Variants in OSBPL5 observed in about 807,000 individuals in gnomAD.
The protein encoded by OSBPL5 is oxysterol binding protein like 5.
In OSBPL5, 71 loss-of-function variants were observed where a neutral mutation model predicts 111.2. The observed-to-expected ratio is 0.64, with a 90% CI of 0.53 to 0.78. The LOEUF is 0.78. Ranked by LOEUF, OSBPL5 falls within the 30% of genes least tolerant of loss-of-function variation. OSBPL5 has a pLI of 0.00. For missense variants in OSBPL5, 1,210 were observed against 1,189.3 expected (o/e 1.02, Z -0.26); for synonymous variants, 549 against 513.9 (o/e 1.07, Z -0.93).
intron 1 of OSBPL5, among the ~76,000 whole-genome samples, chr11:3,133,247 G>A (rs776109069): frequency 3.9e-5 from 6 of 152,256 alleles, no homozygotes; most frequent in Non-Finnish European, 7.3e-5. Flanking sequence ...AGTGAAAGCT[G>A]AAGGCTGGGA....
chr11:3,111,184 C>G (rs1233509782), intron 7 of OSBPL5, among the ~76,000 whole-genome samples: 1 of 146,930 alleles, frequency 6.8e-6, no homozygotes, highest in African/African-American at 2.5e-5. Context: ...TCCCTGATCT[C>G]TCAAAATTTG....
chr11:3,116,723 C>T (rs2084241), intron 7 of OSBPL5, among the ~76,000 whole-genome samples: 36,611 of 151,702 alleles, frequency 0.24, 4,876 homozygotes, highest in African/African-American at 0.35. Context: ...GGTGTGGTGG[C>T]GGATGCCTAT....
intron 1 of OSBPL5, among the ~76,000 whole-genome samples, chr11:3,149,270 G>GC (rs750604567): frequency 1.3e-5 from 2 of 152,242 alleles, no homozygotes; most frequent in Non-Finnish European, 2.9e-5. Flanking sequence ...CCCGGGTCAG[G>GC]CCCCCCAGAG....
chr11:3,159,446 C>T (rs1440681699), intron 1 of OSBPL5, among the ~76,000 whole-genome samples: 2 of 152,202 alleles, frequency 1.3e-5, no homozygotes, highest in African/African-American at 4.8e-5. Context: ...CTGTGCCAGG[C>T]CACTAACTGG....
rs757161371 is a variant in OSBPL5, at chr11:3,107,485, T to C, written c.867-30A>G. The C allele has an allele frequency of 2.5e-6, 4 of 1,611,082 alleles. No individual in the cohort carries two copies. Among genetic ancestry groups the C allele is most frequent in the Non-Finnish European group, 3.4e-6 (4 of 1,177,888 alleles). ...AAGGTGGATGGTGCCAGTGGGTCCC[T>C]GTCACAGGTGAGAGCCCAGCACAGC... On this transcript the variant is annotated intron_variant, in intron 8 of 21. Transcript: ENST00000263650. This position sits in a 1 kb window ranked among gnomAD's most constrained non-coding sequence, Gnocchi z 6.1.
In OSBPL5 at chr11:3,130,265, C is replaced by T. The variant is rs572689893; in HGVS notation, c.-21-1096G>A. On this transcript the variant is annotated intron_variant, in intron 1 of 21. Transcript: ENST00000263650. This position sits in a 1 kb window ranked among gnomAD's most constrained non-coding sequence, Gnocchi z 4.5. Reference sequence around the variant, plus strand: ...TCATCTTGTGTCCACTTCCCAAGGGCGAGCTCCTTAAAAACTACTGGTCAA... The same window carrying T: ...TCATCTTGTGTCCACTTCCCAAGGGTGAGCTCCTTAAAAACTACTGGTCAA... Among the ~76,000 whole-genome samples the T allele has an allele frequency of 6.6e-5, 10 of 152,342 alleles. No homozygotes were observed. The East Asian group carries it at 1.9e-3, about 29-fold the overall frequency.
intron 11 of OSBPL5, 147 bp from the exon 12 acceptor site, chr11:3,102,428 C>T (rs1857492317): frequency 1.4e-6 from 1 of 702,128 alleles, no homozygotes; most frequent in Non-Finnish European, 2.5e-6. Flanking sequence ...GGGAACAACA[C>T]CTCACTTCTG....
At chr11:3,112,008 T>C (rs12788676) in intron 7 of OSBPL5, among the ~76,000 whole-genome samples, 11,941 of 132,998 alleles carry the variant, frequency 0.09, 480 homozygotes, top group South Asian at 0.15. Flanking sequence ...TGTGTGTGTG[T>C]GCGCGCATGT....
chr11:3,091,407 G>A (rs1041991877), intron 19 of OSBPL5, among the ~76,000 whole-genome samples: 5 of 152,204 alleles, frequency 3.3e-5, no homozygotes, highest in African/African-American at 9.6e-5. Flanking sequence ...TGGGGTCAGA[G>A]GCGGGGCAGG....
chr11:3,143,200 AG>A (rs1319815229), intron 1 of OSBPL5, among the ~76,000 whole-genome samples: 2 of 59,872 alleles, frequency 3.3e-5, no homozygotes, highest in South Asian at 7.7e-4. Context: ...CAGAGGAGGC[AG>A]GTGCAGAGGG....
chr11:3,114,523 T>C (rs1175459678), intron 7 of OSBPL5, among the ~76,000 whole-genome samples: 2 of 151,324 alleles, frequency 1.3e-5, no homozygotes, highest in Non-Finnish European at 2.9e-5. Flanking sequence ...GAAATTATAA[T>C]GGTCTTTCTA....
Position 3,087,361 on chromosome 11 carries a change from T to G in OSBPL5, c.*844A>C, listed in dbSNP as rs1411031451. The G allele has an allele frequency of 1.9e-5, 3 of 154,838 alleles. 1 individual carries two copies. The Middle Eastern group carries it at 1.6e-3, about 84-fold the overall frequency. 9.6% of individuals were successfully genotyped at this position (154,838 alleles called of 1,614,324 possible). ...GGGGACTGAGGCCAGACGTGAAGGC[T>G]GACTGCAGCTCGCAGCCCACCTAAA... On this transcript the variant is annotated 3_prime_UTR_variant, in exon 22 of 22. Coordinates refer to ENST00000263650, the MANE Select transcript of OSBPL5 (RefSeq NM_020896.4).
chr11:3,100,635 G>A (rs1222007899), intron 13 of OSBPL5, among the ~76,000 whole-genome samples: 1 of 152,144 alleles, frequency 6.6e-6, no homozygotes, highest in Non-Finnish European at 1.5e-5. Context: ...AGGTACTGCT[G>A]GTGAGGAGAG....
At chr11:3,151,874 T>A (rs1846603417) in intron 1 of OSBPL5, among the ~76,000 whole-genome samples, 1 of 152,224 alleles carries the variant, frequency 6.6e-6, no homozygotes, top group African/African-American at 2.4e-5. Flanking sequence ...CAGCTGCCTG[T>A]TCCTCCGGCT....
chr11:3,164,907 T>G (rs1053926104), intron 1 of OSBPL5, among the ~76,000 whole-genome samples: 1 of 151,936 alleles, frequency 6.6e-6, no homozygotes, highest in Admixed American at 6.5e-5. Context: ...GGAGCCGAGC[T>G]GGGCGCGCCG....
At chr11:3,143,765 G>A (rs569945926) in intron 1 of OSBPL5, among the ~76,000 whole-genome samples, 1 of 152,350 alleles carries the variant, frequency 6.6e-6, no homozygotes, top group African/African-American at 2.4e-5. Context: ...CACTATGACT[G>A]GAGGCTGACC....
chr11:3,114,105 A>AT (rs1858114282), intron 7 of OSBPL5, among the ~76,000 whole-genome samples: 1 of 152,204 alleles, frequency 6.6e-6, no homozygotes. Flanking sequence ...CTATTTGGAT[A>AT]TTTTCCAATA....
At chr11:3,118,054 A>G (rs1391927203) in intron 7 of OSBPL5, among the ~76,000 whole-genome samples, 1 of 152,226 alleles carries the variant, frequency 6.6e-6, no homozygotes, top group Non-Finnish European at 1.5e-5. Context: ...CTTGGGACCT[A>G]CCTGTGTAGG....
intron 21 of OSBPL5, 101 bp from the exon 22 acceptor site, chr11:3,088,444 C>T: frequency 7.7e-7 from 1 of 1,298,428 alleles, no homozygotes; most frequent in South Asian, 2.1e-5. Flanking sequence ...AGGTGCTGGA[C>T]ACAGGGCCGA....
Sources: allele counts gnomAD v4.1 joint callset (sites outside exome capture counted in the v4.1 genomes callset), GRCh38; gene constraint gnomAD v4.1.1; non-coding constraint Gnocchi (gnomAD v3.1); transcripts MANE v1.5; gene names NCBI Gene and HGNC (gene_info 2026-07-23, HGNC 2026-07-21).